The following NKAIN2 variants were observed in gnomAD, a reference collection of about 807,000 sequenced individuals.
NKAIN2 encodes the protein sodium/potassium transporting ATPase interacting 2.
In NKAIN2, 14 loss-of-function variants were observed where a neutral mutation model predicts 32.6. The ratio of observed to expected loss-of-function variants is 0.43; its 90% CI spans 0.28 to 0.67. The LOEUF (loss-of-function observed/expected upper bound fraction) is 0.67, where lower values mean the gene tolerates loss of function less well. Ranked by LOEUF, NKAIN2 falls within the 30% of genes least tolerant of loss-of-function variation. The probability of loss-of-function intolerance (pLI) is 0.17; values close to 1 mark genes in which losing one functional copy is unlikely to be tolerated. For missense variants in NKAIN2, 198 were observed against 258.3 expected (o/e 0.77, Z 1.60); for synonymous variants, 80 against 87.2 (o/e 0.92, Z 0.46).
intron 2 of NKAIN2, among the ~76,000 whole-genome samples, chr6:124,329,232 C>T (rs1171504217): frequency 2.0e-5 from 3 of 152,186 alleles, no homozygotes; most frequent in Non-Finnish European, 2.9e-5. Flanking sequence ...GGCAACTGCT[C>T]TGATGCACTG....
chr6:124,559,486 G>A (rs1369827595), intron 3 of NKAIN2, among the ~76,000 whole-genome samples: 2 of 152,140 alleles, frequency 1.3e-5, no homozygotes, highest in Admixed American at 1.3e-4. Context: ...TCAACATTAT[G>A]GCTGACCCTG....
At chr6:123,915,800 C>T (rs1472539107) in intron 1 of NKAIN2, among the ~76,000 whole-genome samples, 2 of 152,142 alleles carry the variant, frequency 1.3e-5, no homozygotes, top group Non-Finnish European at 2.9e-5. Context: ...ATATTTTTCA[C>T]ATTTTCCTAA....
chr6:124,194,828 C>T (rs1381644501), intron 1 of NKAIN2, among the ~76,000 whole-genome samples: 1 of 151,962 alleles, frequency 6.6e-6, no homozygotes, highest in East Asian at 1.9e-4. Context: ...AGCTGTCATG[C>T]CATGGACTGG....
intron 1 of NKAIN2, among the ~76,000 whole-genome samples, chr6:124,023,218 A>G (rs1047966899): frequency 1.3e-5 from 2 of 151,876 alleles, no homozygotes; most frequent in Non-Finnish European, 2.9e-5. Context: ...ACACACACAC[A>G]CACGCACACA....
intron 2 of NKAIN2, among the ~76,000 whole-genome samples, chr6:124,304,653 T>C: frequency 6.6e-6 from 1 of 152,142 alleles, no homozygotes; most frequent in Admixed American, 6.5e-5. Flanking sequence ...TGGTGGCTCA[T>C]GCCTGTAATC....
At chr6:124,229,533 TAGAC>T (rs71021483) in intron 1 of NKAIN2, among the ~76,000 whole-genome samples, 2,834 of 149,046 alleles carry the variant, frequency 0.019, 42 homozygotes, top group African/African-American at 0.041. Flanking sequence ...GATAGATAGA[TAGAC>T]AGACAGACAG....
At chr6:124,363,478 A>T (rs1799384026) in intron 3 of NKAIN2, among the ~76,000 whole-genome samples, 1 of 152,216 alleles carries the variant, frequency 6.6e-6, no homozygotes, top group South Asian at 2.1e-4. Flanking sequence ...TCTAGTGCAC[A>T]TAGGCAATTT....
At chr6:124,095,056 TGTG>T (rs1784595605) in intron 1 of NKAIN2, among the ~76,000 whole-genome samples, 1 of 152,108 alleles carries the variant, frequency 6.6e-6, no homozygotes, top group Admixed American at 6.6e-5. Context: ...GTTGTAAAAA[TGTG>T]GTGAAGAATT....
chr6:123,821,692 CG>C (rs1562200155), intron 1 of NKAIN2, among the ~76,000 whole-genome samples: 1 of 151,928 alleles, frequency 6.6e-6, no homozygotes, highest in Non-Finnish European at 1.5e-5. Context: ...GAGGGACAAG[CG>C]GGGGGCCCGA....
Position 124,320,781 on chromosome 6 carries a change from A to G in NKAIN2, c.193-34486A>G, listed in dbSNP as rs76594825. Reference sequence around the variant, plus strand: ...TACCTTGAAGTATAATGACTGCCTTATCCATTGTTAGAAGTGTTGAACTTG... The same window carrying G: ...TACCTTGAAGTATAATGACTGCCTTGTCCATTGTTAGAAGTGTTGAACTTG... On this transcript the variant is annotated intron_variant, in intron 2 of 6. Transcript: ENST00000368417. 3.7e-3 allele frequency among the ~76,000 whole-genome samples: 568 copies of G among 152,310 alleles called. 21 individuals are homozygous for G. The East Asian group carries it at 0.1, about 27-fold the overall frequency.
chr6:124,243,060 C>T (rs555976859), intron 1 of NKAIN2, among the ~76,000 whole-genome samples: 69 of 148,316 alleles, frequency 4.7e-4, no homozygotes, highest in African/African-American at 1.6e-3. Context: ...AACCCAAGGG[C>T]GGAGTAAAAG....
At chr6:124,562,979 ACTGCAAAATCCGCCTC>A (rs1780754325) in intron 3 of NKAIN2, among the ~76,000 whole-genome samples, 1 of 147,896 alleles carries the variant, frequency 6.8e-6, no homozygotes, top group African/African-American at 2.5e-5. Flanking sequence ...ATCTCAGCTC[ACTGCAAAATCCGCCTC>A]CTAGGTTCAA....
intron 1 of NKAIN2, among the ~76,000 whole-genome samples, chr6:124,140,157 T>G (rs1345638061): frequency 6.6e-6 from 1 of 152,184 alleles, no homozygotes; most frequent in Non-Finnish European, 1.5e-5. Flanking sequence ...GCATCACATG[T>G]TCCCATTAGG....
chr6:124,701,558 G>C (rs1332589123), intron 4 of NKAIN2, among the ~76,000 whole-genome samples: 1 of 152,088 alleles, frequency 6.6e-6, no homozygotes, highest in Non-Finnish European at 1.5e-5. Context: ...AGAGAAGTAA[G>C]TGATAAAGTG....
intron 3 of NKAIN2, among the ~76,000 whole-genome samples, chr6:124,544,098 G>A (rs1009723192): frequency 6.6e-6 from 1 of 152,150 alleles, no homozygotes; most frequent in Non-Finnish European, 1.5e-5. Flanking sequence ...GAAACTACAT[G>A]TAGGCCATTA....
intron 2 of NKAIN2, among the ~76,000 whole-genome samples, chr6:124,295,814 T>C (rs984926611): frequency 6.6e-6 from 1 of 152,124 alleles, no homozygotes; most frequent in Admixed American, 6.6e-5. Flanking sequence ...TTTCAAAAAT[T>C]GTATTTCTTT....
intron 1 of NKAIN2, among the ~76,000 whole-genome samples, chr6:124,130,640 T>A (rs1786427398): frequency 2.0e-5 from 3 of 151,892 alleles, no homozygotes; most frequent in South Asian, 4.1e-4. Flanking sequence ...AGAATGTTAA[T>A]CTTTAGTGTG....
chr6:124,119,356 A>G (rs562588394), intron 1 of NKAIN2, among the ~76,000 whole-genome samples: 39 of 152,316 alleles, frequency 2.6e-4, no homozygotes, highest in Admixed American at 5.9e-4. Context: ...CCTGGGAATG[A>G]TCACCCACCT....
At chr6:124,388,980 T>C (rs1398739970) in intron 3 of NKAIN2, among the ~76,000 whole-genome samples, 1 of 152,128 alleles carries the variant, frequency 6.6e-6, no homozygotes, top group Non-Finnish European at 1.5e-5. Context: ...AAGCTTTATT[T>C]AAGCATGAAT....
Sources: allele counts gnomAD v4.1 joint callset (sites outside exome capture counted in the v4.1 genomes callset), GRCh38; gene constraint gnomAD v4.1.1; transcripts MANE v1.5; gene names NCBI Gene and HGNC (gene_info 2026-07-23, HGNC 2026-07-21).